The following DOCK1 variants were observed in gnomAD, a reference collection of about 807,000 sequenced individuals.
DOCK1 encodes the protein dedicator of cytokinesis 1, also known as dedicator of cytokinesis protein 1.
In DOCK1, 138 loss-of-function variants were observed where a neutral mutation model predicts 262.7. That is an observed-to-expected ratio of 0.53 (90% CI 0.46 to 0.61). The LOEUF (loss-of-function observed/expected upper bound fraction) is 0.61, where lower values mean the gene tolerates loss of function less well. Ranked by LOEUF, DOCK1 falls within the 20% of genes least tolerant of loss-of-function variation. The probability of loss-of-function intolerance (pLI) is 0.00; values close to 1 mark genes in which losing one functional copy is unlikely to be tolerated. For synonymous variants in DOCK1, 866 were observed against 867.4 expected, an observed-to-expected ratio of 1.00 and a Z score of 0.03; for missense variants, 1,908 against 2,370.7, an observed-to-expected ratio of 0.80 and a Z score of 4.05.
chr10:127,435,988 C>T (rs1266139015), intron 48 of DOCK1, among the ~76,000 whole-genome samples: 1 of 152,218 alleles, frequency 6.6e-6, no homozygotes. Context: ...CTGAGCTAAA[C>T]AGCATCTACT....
chr10:126,949,662 G>A (rs2036013177), intron 1 of DOCK1, among the ~76,000 whole-genome samples: 1 of 152,110 alleles, frequency 6.6e-6, no homozygotes, highest in Non-Finnish European at 1.5e-5. Context: ...GCAAAATGTA[G>A]GCGTTTGACT....
intron 48 of DOCK1, among the ~76,000 whole-genome samples, chr10:127,434,739 G>T (rs1040328765): frequency 1.3e-5 from 2 of 148,386 alleles, no homozygotes; most frequent in Non-Finnish European, 3.0e-5. Context: ...TGCAACCTCC[G>T]CCTCCCAGGT....
intron 2 of DOCK1, among the ~76,000 whole-genome samples, chr10:126,975,904 C>G (rs2134748348): frequency 6.6e-6 from 1 of 152,208 alleles, no homozygotes; most frequent in East Asian, 1.9e-4. Flanking sequence ...CAGGAGTAAG[C>G]CACCACTCTT....
At chr10:127,137,617 A>G (rs913526223) in intron 27 of DOCK1, 1 of 463,342 alleles carries the variant, frequency 2.2e-6, no homozygotes. Context: ...TACATCCCAC[A>G]TCAGTGAACT....
chr10:127,290,589 C>T (rs779303346), intron 29 of DOCK1, among the ~76,000 whole-genome samples: 6 of 152,276 alleles, frequency 3.9e-5, no homozygotes, highest in Admixed American at 2.0e-4. Context: ...TTCTCCTCCT[C>T]GCCCTACCCC....
intron 35 of DOCK1, among the ~76,000 whole-genome samples, chr10:127,379,499 G>T (rs1376943167): frequency 6.6e-6 from 1 of 152,232 alleles, no homozygotes; most frequent in African/African-American, 2.4e-5. Flanking sequence ...GCCGCATGTG[G>T]CTGTTAAGCG....
At chr10:127,424,881 C>G (rs1020314368) in intron 46 of DOCK1, among the ~76,000 whole-genome samples, 2 of 152,202 alleles carry the variant, frequency 1.3e-5, no homozygotes, top group South Asian at 2.1e-4. Context: ...GGGCTATGAG[C>G]GAGGAGAGCG....
chr10:127,418,547 G>T lies in DOCK1; in HGVS notation c.4692+6G>T. Reference sequence around the variant, plus strand: ...GCTTCGCAAACTACGAAAAGGTACGGGACCCACCAGCTTGCTCTGGGCAAG... The same window carrying T: ...GCTTCGCAAACTACGAAAAGGTACGTGACCCACCAGCTTGCTCTGGGCAAG... On this transcript the variant is annotated splice_donor_region_variant and intron_variant, in intron 45 of 51. Transcript: ENST00000623213. 6.2e-7 allele frequency: 1 copy of T among 1,610,920 alleles called. No homozygotes were observed. The highest frequency in any genetic ancestry group is 8.5e-7 in the Non-Finnish European group (1 of 1,178,762).
chr10:127,045,711 C>T (rs988355502), intron 21 of DOCK1, among the ~76,000 whole-genome samples: 2 of 152,148 alleles, frequency 1.3e-5, no homozygotes, highest in African/African-American at 4.8e-5. Context: ...ATGCTGGAGC[C>T]CCACTGGACT....
chr10:127,032,970 A>C (rs1256635325), intron 18 of DOCK1, among the ~76,000 whole-genome samples: 5 of 152,186 alleles, frequency 3.3e-5, no homozygotes, highest in Non-Finnish European at 2.9e-5. Context: ...TCAGACTAAA[A>C]ACCTGGAATC....
At chr10:126,994,467 G>GCCTTCC (rs1473479952) in intron 6 of DOCK1, among the ~76,000 whole-genome samples, 1 of 152,184 alleles carries the variant, frequency 6.6e-6, no homozygotes. Flanking sequence ...GGACCCTGCG[G>GCCTTCC]CCTTCCGCAG....
rs2134478397 is a variant in DOCK1 at position 127,419,769 on chromosome 10, T to C, written c.4776+20T>C. On this transcript the variant is annotated intron_variant, in intron 46 of 51. Coordinates refer to ENST00000623213, the MANE Select transcript of DOCK1 (RefSeq NM_001290223.2). ...TGGCAGGTAAAGTGTCCAGCAAGAG[T>C]CCTGCATGGCTGGAGGGAAGGAAAG... 6.4e-7 allele frequency: 1 copy of C among 1,574,174 alleles called. No individual in the cohort carries two copies. Among genetic ancestry groups the C allele is most frequent in the African/African-American group, 1.4e-5 (1 of 73,868 alleles).
At chr10:126,956,468 G>C (rs2036746171) in intron 1 of DOCK1, among the ~76,000 whole-genome samples, 1 of 152,144 alleles carries the variant, frequency 6.6e-6, no homozygotes, top group Admixed American at 6.5e-5. Context: ...CTCAGGAGGG[G>C]AGCACAGGAA....
chr10:127,229,368 T>C (rs2058756069), intron 27 of DOCK1, among the ~76,000 whole-genome samples: 1 of 152,340 alleles, frequency 6.6e-6, no homozygotes, highest in Admixed American at 6.5e-5. Context: ...AAATTTTGTT[T>C]TCTTTGACCA....
chr10:127,162,066 G>A (rs147425818), intron 27 of DOCK1, among the ~76,000 whole-genome samples: 202 of 152,232 alleles, frequency 1.3e-3, no homozygotes, highest in Admixed American at 2.1e-3. Flanking sequence ...CATGGGTTTC[G>A]AGAACGTTAA....
intron 23 of DOCK1, among the ~76,000 whole-genome samples, chr10:127,103,121 C>G (rs531916755): frequency 6.6e-6 from 1 of 152,180 alleles, no homozygotes; most frequent in Non-Finnish European, 1.5e-5. Context: ...TTCTAGGTAA[C>G]AGTGGTTGGT....
intron 27 of DOCK1, among the ~76,000 whole-genome samples, chr10:127,179,676 A>G (rs1470319209): frequency 6.6e-6 from 1 of 152,196 alleles, no homozygotes; most frequent in African/African-American, 2.4e-5. Flanking sequence ...TACCATTAAG[A>G]AAATGATTTT....
chr10:127,032,723 T>G (rs10830143), intron 18 of DOCK1, among the ~76,000 whole-genome samples: 25,515 of 151,928 alleles, frequency 0.17, 2,397 homozygotes, highest in Non-Finnish European at 0.22. Flanking sequence ...TTGGCTAATT[T>G]TATTTTTATT....
At chr10:127,078,256 T>G (rs2135986450) in intron 23 of DOCK1, among the ~76,000 whole-genome samples, 1 of 152,312 alleles carries the variant, frequency 6.6e-6, no homozygotes, top group South Asian at 2.1e-4. Flanking sequence ...AGTTTTATCT[T>G]ATAGAATTTT....
Sources: allele counts gnomAD v4.1 joint callset (sites outside exome capture counted in the v4.1 genomes callset), GRCh38; gene constraint gnomAD v4.1.1; transcripts MANE v1.5; gene names NCBI Gene and HGNC (gene_info 2026-07-23, HGNC 2026-07-21).